The following TLK2 variants were observed in gnomAD, a reference collection of about 807,000 sequenced individuals.
The protein encoded by TLK2 is serine/threonine-protein kinase tousled-like 2.
In TLK2, 6 loss-of-function variants were observed where a neutral mutation model predicts 117.3. The ratio of observed to expected loss-of-function variants is 0.05; its 90% CI spans 0.03 to 0.10. The LOEUF is 0.10. Among genes scored for constraint, TLK2 ranks in the 10% least tolerant of loss-of-function variants. The pLI, the probability that TLK2 is intolerant of heterozygous loss-of-function variation, is 1.00. For synonymous variants in TLK2, 257 were observed against 316.7 expected (o/e 0.81, Z 2.00); for missense variants, 299 against 901.2 (o/e 0.33, Z 8.56).
intron 1 of TLK2, among the ~76,000 whole-genome samples, chr17:62,471,814 G>A (rs1358964815): frequency 6.6e-6 from 1 of 151,258 alleles, no homozygotes; most frequent in East Asian, 1.9e-4. Context: ...AGAGCAGGAG[G>A]GGGAGCAGTC....
chr17:62,575,442 T>A lies in TLK2; in HGVS notation c.1122-1267T>A, dbSNP rs150984249. On this transcript the variant is annotated intron_variant, in intron 12 of 21. Transcript: ENST00000346027. ...TGCATCTGTAAAGAGATAGCCCTAG[T>A]GGGTGAGTTTCTTCTTCTTTCTATT... is the stretch of plus-strand genomic sequence containing the variant. 2.4e-3 allele frequency among the ~76,000 whole-genome samples: 361 copies of A among 152,322 alleles called. 3 individuals carry two copies. The highest frequency in any genetic ancestry group is 6.7e-3 in the African/African-American group (278 of 41,586).
chr17:62,475,921 A>G (rs1267232403), upstream of TLK2, among the ~76,000 whole-genome samples: 4 of 151,874 alleles, frequency 2.6e-5, no homozygotes, highest in Non-Finnish European at 4.4e-5. Context: ...CGGCCTCCCA[A>G]AATGCTGTGA....
At chr17:62,548,497 G>T (rs1423109071) in intron 7 of TLK2, among the ~76,000 whole-genome samples, 1 of 151,874 alleles carries the variant, frequency 6.6e-6, no homozygotes, top group East Asian at 1.9e-4. Flanking sequence ...TGGCCAGGCT[G>T]GTCTTGAACT....
At chr17:62,515,926 T>G (rs2075544948) in intron 2 of TLK2, among the ~76,000 whole-genome samples, 2 of 152,168 alleles carry the variant, frequency 1.3e-5, no homozygotes, top group South Asian at 4.1e-4. Context: ...ACTTTCTCCC[T>G]GTTTTCTTCT....
chr17:62,477,839 A>C (rs2071114100), upstream of TLK2: 1 of 152,212 alleles, frequency 6.6e-6, no homozygotes, highest in Admixed American at 6.5e-5. Context: ...CTCATTCCTC[A>C]GGAGATACTC....
intron 2 of TLK2, chr17:62,507,503 A>G (rs963462936): frequency 1.3e-5 from 2 of 152,160 alleles, no homozygotes; most frequent in Middle Eastern, 3.2e-3. Flanking sequence ...GTTTTTTTAA[A>G]TGGCGTTATC....
At chr17:62,567,812 TTTG>T (rs1011664964) in intron 11 of TLK2, among the ~76,000 whole-genome samples, 7 of 152,150 alleles carry the variant, frequency 4.6e-5, no homozygotes, top group African/African-American at 1.2e-4. Flanking sequence ...ACCATTTTTT[TTTG>T]TTGTTGTTGT....
intron 2 of TLK2, chr17:62,516,206 T>C (rs2075569854): frequency 1.5e-6 from 1 of 646,116 alleles, no homozygotes; most frequent in Non-Finnish European, 2.7e-6. Context: ...ATTACAGGCA[T>C]GAGTCACCGC....
At chr17:62,594,605 T>C (rs1342012868) in intron 16 of TLK2, among the ~76,000 whole-genome samples, 1 of 152,210 alleles carries the variant, frequency 6.6e-6, no homozygotes, top group Non-Finnish European at 1.5e-5. Flanking sequence ...ACTAAAACAC[T>C]TCTAATACTA....
chr17:62,476,880 G>A (rs1473816286), upstream of TLK2, among the ~76,000 whole-genome samples: 6 of 151,464 alleles, frequency 4.0e-5, no homozygotes, highest in East Asian at 2.0e-4. Context: ...TCAGGAATTC[G>A]AGACCAACGT....
intron 16 of TLK2, among the ~76,000 whole-genome samples, chr17:62,591,951 T>C (rs1157697616): frequency 6.6e-6 from 1 of 152,104 alleles, no homozygotes; most frequent in African/African-American, 2.4e-5. Context: ...ACTACATTCT[T>C]TCTTCTTTTT....
At chr17:62,561,947 G>A (rs1598600672) in intron 10 of TLK2, among the ~76,000 whole-genome samples, 2 of 152,316 alleles carry the variant, frequency 1.3e-5, no homozygotes, top group East Asian at 3.9e-4. Flanking sequence ...TTTGCTAGGA[G>A]TAGTATATAA....
At chr17:62,591,541 G>A (rs906648830) in intron 16 of TLK2, among the ~76,000 whole-genome samples, 1 of 152,130 alleles carries the variant, frequency 6.6e-6, no homozygotes, top group Non-Finnish European at 1.5e-5. Context: ...TGTCCCCAGG[G>A]TAGTGTGTGT....
chr17:62,553,087 T>G (rs1169432509), intron 8 of TLK2, among the ~76,000 whole-genome samples: 2 of 152,196 alleles, frequency 1.3e-5, no homozygotes, highest in African/African-American at 2.4e-5. Context: ...TGGGTTTTCT[T>G]GAAGGCTCTT....
At chr17:62,600,991 G>A (rs1030610744) in intron 18 of TLK2, among the ~76,000 whole-genome samples, 171 bp downstream of exon 18, 2 of 152,122 alleles carry the variant, frequency 1.3e-5, no homozygotes, top group Admixed American at 6.5e-5. Flanking sequence ...AGCAGCACTG[G>A]GTTTAGGAGG....
At chr17:62,523,320 T>G in intron 5 of TLK2, 143 bp downstream of exon 5, 1 of 1,180,604 alleles carries the variant, frequency 8.5e-7, no homozygotes, top group South Asian at 1.7e-5. Context: ...GGCTTATGCT[T>G]GTAATCCCAG....
chr17:62,596,814 A>G (rs2082512127), intron 17 of TLK2, 140 bp downstream of exon 17: 1 of 701,040 alleles, frequency 1.4e-6, no homozygotes. Context: ...TCAAACATAA[A>G]TTCAGATTTG....
At chr17:62,558,022 T>C (rs1378275707) in intron 9 of TLK2, among the ~76,000 whole-genome samples, 1 of 152,196 alleles carries the variant, frequency 6.6e-6, no homozygotes, top group Non-Finnish European at 1.5e-5. Context: ...CTTGTGCTTC[T>C]AGAAGATCTA....
chr17:62,496,881 C>A (rs549798560), intron 2 of TLK2, among the ~76,000 whole-genome samples: 4 of 148,156 alleles, frequency 2.7e-5, no homozygotes, highest in African/African-American at 1.0e-4. Context: ...GGTGTGAACC[C>A]GGGAGGCAGA....
Sources: gnomAD v4.1 joint callset for allele counts (sites outside exome capture counted in the v4.1 genomes callset) on GRCh38, gnomAD v4.1.1 for gene constraint, MANE v1.5 for transcripts, NCBI Gene and HGNC (gene_info 2026-07-23, HGNC 2026-07-21) for gene names.